NRG1: variants seen among roughly 807,000 people sequenced by gnomAD.
The protein encoded by NRG1 is pro-neuregulin-1, membrane-bound isoform.
In NRG1, 18 loss-of-function variants were observed where a neutral mutation model predicts 63.8. The observed-to-expected ratio is 0.28, with a 90% CI of 0.19 to 0.42. The LOEUF (loss-of-function observed/expected upper bound fraction) is 0.42, where lower values mean the gene tolerates loss of function less well. NRG1 is among the 10% of genes least tolerant of loss of function. The probability of loss-of-function intolerance (pLI) is 1.00; values close to 1 mark genes in which losing one functional copy is unlikely to be tolerated. For synonymous variants in NRG1, 302 were observed against 301.3 expected (o/e 1.00, Z -0.02); for missense variants, 762 against 814.7 (o/e 0.94, Z 0.79).
chr8:32,038,269 C>T (rs1193130457), intron 1 of NRG1, among the ~76,000 whole-genome samples: 4 of 152,184 alleles, frequency 2.6e-5, no homozygotes, highest in African/African-American at 7.2e-5. Flanking sequence ...GGTGGGCCCT[C>T]GCTCCACCCT....
chr8:31,960,716 G>C (rs1023661360), intron 1 of NRG1, among the ~76,000 whole-genome samples: 13 of 152,222 alleles, frequency 8.5e-5, no homozygotes, highest in African/African-American at 3.1e-4. Flanking sequence ...GTTGAGAATT[G>C]AAACCTTTCC....
At chr8:32,729,780 G>A (rs1210802230) in intron 6 of NRG1, among the ~76,000 whole-genome samples, 3 of 152,060 alleles carry the variant, frequency 2.0e-5, no homozygotes, top group Admixed American at 6.6e-5. Flanking sequence ...AGCAACGATC[G>A]AAAATGCCAT....
At chr8:32,075,517 A>G (rs1007927129) in intron 1 of NRG1, among the ~76,000 whole-genome samples, 6 of 152,214 alleles carry the variant, frequency 3.9e-5, no homozygotes, top group African/African-American at 1.4e-4. Context: ...AAATGCTCAA[A>G]TCCCTTACAT....
chr8:32,425,714 T>C (rs183955448), intron 1 of NRG1, among the ~76,000 whole-genome samples: 194 of 152,282 alleles, frequency 1.3e-3, no homozygotes, highest in African/African-American at 4.5e-3. Flanking sequence ...GAGATTATAG[T>C]AGTATTATTT....
At chr8:31,976,712 C>G (rs1414063071) in intron 1 of NRG1, among the ~76,000 whole-genome samples, 1 of 148,832 alleles carries the variant, frequency 6.7e-6, no homozygotes, top group African/African-American at 2.5e-5. Flanking sequence ...TGTGTGTGTA[C>G]TTTTCACTGT....
chr8:32,012,854 T>G (rs1243070050), intron 1 of NRG1, among the ~76,000 whole-genome samples: 1 of 152,168 alleles, frequency 6.6e-6, no homozygotes, highest in Non-Finnish European at 1.5e-5. Context: ...TGTGTATTTG[T>G]GAGTGAGAGG....
rs201405069 is a variant in NRG1, at chr8:32,276,896, CACA to C, written c.38-318929_38-318927del. 4.5e-4 allele frequency among the ~76,000 whole-genome samples: 69 copies of C among 152,236 alleles called. 1 individual carries two copies. In the East Asian group the frequency reaches 0.013, roughly 29 times the overall value. On this transcript the variant is annotated intron_variant, in intron 1 of 10. Coordinates refer to the NRG1 transcript ENST00000519301. The stretch of plus-strand genomic sequence containing the variant: ...CTAAGGTACTTGCAGGTGGGACAGC[CACA>C]ACGAATGCCACTTCAAGTGAATGTG...
chr8:32,122,859 G>A (rs1215927971), intron 1 of NRG1, among the ~76,000 whole-genome samples: 1 of 151,656 alleles, frequency 6.6e-6, no homozygotes, highest in East Asian at 1.9e-4. Flanking sequence ...CCACCTGTGA[G>A]TGAGAACACA....
At chr8:32,319,928 A>G (rs1801180031) in intron 1 of NRG1, among the ~76,000 whole-genome samples, 1 of 152,170 alleles carries the variant, frequency 6.6e-6, no homozygotes, top group Admixed American at 6.5e-5. Flanking sequence ...GAGATTGTGC[A>G]TTAATGTATG....
chr8:32,296,130 T>A (rs1344660543), intron 1 of NRG1, among the ~76,000 whole-genome samples: 3 of 152,050 alleles, frequency 2.0e-5, no homozygotes, highest in African/African-American at 7.2e-5. Context: ...GGACAAAACA[T>A]GTGCACATTT....
chr8:31,941,557 A>T (rs1439797005), intron 1 of NRG1, among the ~76,000 whole-genome samples: 1 of 152,138 alleles, frequency 6.6e-6, no homozygotes, highest in Non-Finnish European at 1.5e-5. Context: ...ATCAGACAAG[A>T]CAAAGAAATT....
chr8:32,451,800 G>A (rs4733335), intron 1 of NRG1, among the ~76,000 whole-genome samples: 112,767 of 151,844 alleles, frequency 0.74, 42,202 homozygotes, highest in East Asian at 0.89. Context: ...TGGGGAGGAT[G>A]AAGTTCAGGT....
chr8:32,057,017 C>G (rs77592747), intron 1 of NRG1, among the ~76,000 whole-genome samples: 3,175 of 152,188 alleles, frequency 0.021, 39 homozygotes, highest in South Asian at 0.039. Context: ...CTATCACCTA[C>G]CCTACAATTA....
intron 1 of NRG1, among the ~76,000 whole-genome samples, chr8:31,829,941 T>C (rs1018644672): frequency 2.0e-5 from 3 of 152,230 alleles, no homozygotes; most frequent in Non-Finnish European, 2.9e-5. Flanking sequence ...CAAATTTCAC[T>C]GTACACCACT....
intron 1 of NRG1, among the ~76,000 whole-genome samples, chr8:31,739,895 C>T (rs904278393): frequency 6.6e-6 from 1 of 151,994 alleles, no homozygotes; most frequent in Non-Finnish European, 1.5e-5. Context: ...CAGCTTTCCT[C>T]GACCTTTTGA....
chr8:32,311,961 T>G (rs997049579), intron 1 of NRG1, among the ~76,000 whole-genome samples: 2 of 152,152 alleles, frequency 1.3e-5, no homozygotes, highest in African/African-American at 2.4e-5. Flanking sequence ...CTTTTTTCTC[T>G]ATTTCATGGA....
intron 1 of NRG1, among the ~76,000 whole-genome samples, chr8:32,422,322 C>G (rs769526024): frequency 6.6e-6 from 1 of 152,142 alleles, no homozygotes; most frequent in Non-Finnish European, 1.5e-5. Context: ...TGTTCCTTTT[C>G]TAACATACTC....
In NRG1 at chr8:31,906,565, C is replaced by T. The variant is rs113955713; in HGVS notation, c.37+267134C>T. Among the ~76,000 whole-genome samples the T allele has an allele frequency of 3.9e-5, 6 of 152,258 alleles. 1 individual carries two copies. The highest frequency in any genetic ancestry group is 1.4e-4 in the African/African-American group (6 of 41,550). On this transcript the variant is annotated intron_variant, in intron 1 of 10. Coordinates refer to the NRG1 transcript ENST00000519301. ...TACAATATCCCAGTATATTCTTTTT[C>T]ATGTGCACTCTCACTTTACATCTCA... is the stretch of plus-strand genomic sequence containing the variant.
intron 1 of NRG1, among the ~76,000 whole-genome samples, chr8:31,907,345 C>CTTT (rs11314573): frequency 1.5e-5 from 2 of 137,116 alleles, no homozygotes; most frequent in African/African-American, 5.3e-5. Context: ...GCAGATGATC[C>CTTT]TTTTTTTTTT....
Sources: allele counts gnomAD v4.1 joint callset (sites outside exome capture counted in the v4.1 genomes callset), GRCh38; gene constraint gnomAD v4.1.1; transcripts MANE v1.5; gene names NCBI Gene and HGNC (gene_info 2026-07-23, HGNC 2026-07-21).